The following NTNG1 variants were observed in gnomAD, a reference collection of about 807,000 sequenced individuals.
The protein encoded by NTNG1 is netrin G1, also known as netrin-G1.
In NTNG1, 16 loss-of-function variants were observed where a neutral mutation model predicts 54.0. That is an observed-to-expected ratio of 0.30 (90% CI 0.20 to 0.45). The LOEUF (loss-of-function observed/expected upper bound fraction) is 0.45. NTNG1 is among the 20% of genes least tolerant of loss of function. The pLI, the probability that NTNG1 is intolerant of heterozygous loss-of-function variation, is 1.00. For missense variants in NTNG1, 530 were observed against 678.7 expected, an observed-to-expected ratio of 0.78 and a Z score of 2.43; for synonymous variants, 255 against 263.1, an observed-to-expected ratio of 0.97 and a Z score of 0.30.
At chr1:107,279,064 G>A in intron 2 of NTNG1, among the ~76,000 whole-genome samples, 1 of 152,078 alleles carries the variant, frequency 6.6e-6, no homozygotes, top group Non-Finnish European at 1.5e-5. Context: ...ATTGATGTTG[G>A]TCATGGATGA....
chr1:107,284,175 T>C (rs977677688), intron 2 of NTNG1, among the ~76,000 whole-genome samples: 1 of 152,114 alleles, frequency 6.6e-6, no homozygotes. Context: ...ATCTCTTTCA[T>C]GTGGATAATA....
intron 2 of NTNG1, among the ~76,000 whole-genome samples, chr1:107,173,727 CTT>C (rs34761958): frequency 2.0e-4 from 24 of 118,486 alleles, no homozygotes; most frequent in Non-Finnish European, 1.8e-4. Context: ...TTCTTTCTTT[CTT>C]TTTTTTTTTT....
chr1:107,389,627 T>A (rs1570841181), intron 3 of NTNG1, among the ~76,000 whole-genome samples: 1 of 152,324 alleles, frequency 6.6e-6, no homozygotes, highest in South Asian at 2.1e-4. Context: ...GCTCACTTTT[T>A]CTTTTAAGTC....
chr1:107,218,671 A>G (rs1159486702), intron 2 of NTNG1, among the ~76,000 whole-genome samples: 1 of 152,100 alleles, frequency 6.6e-6, no homozygotes, highest in Non-Finnish European at 1.5e-5. Flanking sequence ...TTCTCTCAGC[A>G]TTTGTTTGTC....
At chr1:107,185,351 G>A (rs1426752988) in intron 2 of NTNG1, among the ~76,000 whole-genome samples, 5 of 152,100 alleles carry the variant, frequency 3.3e-5, no homozygotes, top group African/African-American at 1.2e-4. Flanking sequence ...TATAGCTTGT[G>A]GTGGTTGCTG....
chr1:107,273,211 C>T (rs1664256704), intron 2 of NTNG1, among the ~76,000 whole-genome samples: 1 of 151,956 alleles, frequency 6.6e-6, no homozygotes, highest in Admixed American at 6.6e-5. Context: ...TGGCAGGGGT[C>T]GCTGAGCAGT....
At chr1:107,393,868 G>A (rs1443123243) in intron 3 of NTNG1, among the ~76,000 whole-genome samples, 1 of 152,084 alleles carries the variant, frequency 6.6e-6, no homozygotes, top group Non-Finnish European at 1.5e-5. Context: ...TCCTACCTAA[G>A]AAAGAGCATT....
chr1:107,204,234 G>A (rs1299226310), intron 2 of NTNG1, among the ~76,000 whole-genome samples: 1 of 151,952 alleles, frequency 6.6e-6, no homozygotes, highest in Non-Finnish European at 1.5e-5. Flanking sequence ...TGGAGTTTTG[G>A]TTTGATATAG....
intron 2 of NTNG1, among the ~76,000 whole-genome samples, chr1:107,190,642 G>T (rs1225096894): frequency 1.3e-5 from 2 of 151,914 alleles, no homozygotes; most frequent in Non-Finnish European, 2.9e-5. Context: ...TGTTCTCATT[G>T]TTCAGTTCCC....
chr1:107,181,700 T>A (rs1657085145), intron 2 of NTNG1, among the ~76,000 whole-genome samples: 1 of 152,126 alleles, frequency 6.6e-6, no homozygotes, highest in Non-Finnish European at 1.5e-5. Flanking sequence ...GTACTGCGCT[T>A]CTTAATGTCC....
At chr1:107,459,400 T>G (rs771177428) in intron 7 of NTNG1, among the ~76,000 whole-genome samples, 18 of 152,190 alleles carry the variant, frequency 1.2e-4, no homozygotes, top group Non-Finnish European at 1.8e-4. Context: ...AAGATCCTGT[T>G]CTCTGCATTC....
At chr1:107,312,187 A>G (rs773587289) in intron 2 of NTNG1, among the ~76,000 whole-genome samples, 20 of 152,298 alleles carry the variant, frequency 1.3e-4, no homozygotes, top group Non-Finnish European at 2.8e-4. Flanking sequence ...TAACGAAGGC[A>G]ATGGCAATAT....
chr1:107,480,608 C>T lies in NTNG1; in HGVS notation c.1391-3C>T. Reference sequence around the variant, plus strand: ...CACCCCTACCTTCCCCCTCATTCTGCAGCGAATGTCTGCGACAACGAGCTC... The same window carrying T: ...CACCCCTACCTTCCCCCTCATTCTGTAGCGAATGTCTGCGACAACGAGCTC... On this transcript the variant is annotated splice_region_variant and splice_polypyrimidine_tract_variant and intron_variant, in intron 7 of 7. Coordinates refer to ENST00000370068, the MANE Select transcript of NTNG1 (RefSeq NM_001113226.3). 2.9e-6 allele frequency: 2 copies of T among 689,452 alleles called. No homozygotes were observed. Among genetic ancestry groups the T allele is most frequent in the Non-Finnish European group, 4.5e-6 (2 of 439,884 alleles). The allele number at this position is 689,452 out of a possible 1,614,324, so 42.7% of individuals were successfully genotyped here.
At chr1:107,333,726 C>G (rs1668413845) in intron 3 of NTNG1, among the ~76,000 whole-genome samples, 1 of 151,488 alleles carries the variant, frequency 6.6e-6, no homozygotes, top group South Asian at 2.1e-4. Flanking sequence ...AAGCAAGTTC[C>G]AACTTTAGTT....
At chr1:107,211,382 T>C (rs1659589465) in intron 2 of NTNG1, among the ~76,000 whole-genome samples, 1 of 152,186 alleles carries the variant, frequency 6.6e-6, no homozygotes, top group African/African-American at 2.4e-5. Context: ...TGAATATTTG[T>C]GCATATTTCA....
intron 3 of NTNG1, among the ~76,000 whole-genome samples, chr1:107,344,110 T>G (rs964908932): frequency 1.3e-5 from 2 of 152,164 alleles, no homozygotes; most frequent in Non-Finnish European, 2.9e-5. Context: ...TGGTATCACT[T>G]TGGTTCCCAG....
intron 3 of NTNG1, among the ~76,000 whole-genome samples, chr1:107,342,130 C>A (rs992598668): frequency 2.0e-5 from 3 of 151,922 alleles, no homozygotes; most frequent in Non-Finnish European, 4.4e-5. Context: ...TTGAGTATAT[C>A]CTATTTTAAA....
chr1:107,194,998 G>T (rs1658216539), intron 2 of NTNG1, among the ~76,000 whole-genome samples: 1 of 151,958 alleles, frequency 6.6e-6, no homozygotes, highest in African/African-American at 2.4e-5. Flanking sequence ...TCTAGAAGCT[G>T]TGGTCTTCTT....
intron 2 of NTNG1, among the ~76,000 whole-genome samples, chr1:107,323,691 A>G (rs1181909656): frequency 6.6e-6 from 1 of 152,098 alleles, no homozygotes; most frequent in Non-Finnish European, 1.5e-5. Context: ...CCACATTTTA[A>G]TAATTGGTGG....
Sources: allele counts gnomAD v4.1 joint callset (sites outside exome capture counted in the v4.1 genomes callset), GRCh38; gene constraint gnomAD v4.1.1; transcripts MANE v1.5; gene names NCBI Gene and HGNC (gene_info 2026-07-23, HGNC 2026-07-21).